Variants in NDUFAF6 observed in about 807,000 individuals in gnomAD.
NDUFAF6 encodes the protein NADH:ubiquinone oxidoreductase complex assembly factor 6.
Under a neutral mutation model 40.8 loss-of-function variants are expected in NDUFAF6, and 45 were observed. That is an observed-to-expected ratio of 1.10 (90% CI 0.87 to 1.42). The LOEUF (loss-of-function observed/expected upper bound fraction) is 1.42, where lower values mean the gene tolerates loss of function less well. Among genes scored for constraint, NDUFAF6 ranks in the 40% most tolerant of loss-of-function variants. NDUFAF6 has a pLI of 0.00. For missense variants in NDUFAF6, 435 were observed against 418.5 expected, an observed-to-expected ratio of 1.04 and a Z score of -0.34; for synonymous variants, 185 against 155.9, an observed-to-expected ratio of 1.19 and a Z score of -1.39.
chr8:94,907,994 C>T (rs1007704643), intron 1 of NDUFAF6, among the ~76,000 whole-genome samples: 1 of 152,202 alleles, frequency 6.6e-6, no homozygotes, highest in African/African-American at 2.4e-5. Flanking sequence ...GTACTACATT[C>T]ACCTCTCTAC....
rs1368639676 is a variant in NDUFAF6 at position 95,025,072 on chromosome 8, T to C, written c.64T>C (p.Cys22Arg). ...GCGGCTTGGCATCCCCGGCCTGTGCTGCCGCCGGCCGCCTCTGGGTCTGTA... is the reference window on the plus strand; with the variant it reads ...GCGGCTTGGCATCCCCGGCCTGTGCCGCCGCCGGCCGCCTCTGGGTCTGTA... ...PLRLGIPGLC[C>R]RRPPLGLYAR... The change falls in exon 1 of 9, where the codon TGC (cysteine) becomes CGC (arginine). Residue 22 changes from cysteine (C) to arginine (R), a missense_variant. Transcript: ENST00000396124. The C allele has an allele frequency of 2.1e-6, 3 of 1,443,752 alleles. No individual in the cohort carries two copies. The highest frequency in any genetic ancestry group is 1.8e-6 in the Non-Finnish European group (2 of 1,109,282). The allele number at this position is 1,443,752 out of a possible 1,614,324, so 89.4% of individuals were successfully genotyped here. A position where few individuals can be genotyped will look rare whatever the true frequency, so the allele number is the denominator to read the frequency against.
In NDUFAF6 at chr8:95,070,297, AAGTT is replaced by A. The variant is rs201056562; in HGVS notation, c.*512-5330_*512-5327del. Among the ~76,000 whole-genome samples the A allele has an allele frequency of 2.4e-4, 36 of 152,346 alleles. No individual in the cohort carries two copies. The East Asian group carries it at 6.4e-3, about 27-fold the overall frequency. ...ACTTCCTAGAATTATCATGAAGGTT[AAGTT>A]AGTTAATAATTGTAAAGTGCCGAAA... On this transcript the variant is annotated intron_variant and NMD_transcript_variant, in intron 9 of 9. Coordinates refer to the NDUFAF6 transcript ENST00000520757.
At chr8:94,970,970 G>A (rs1390667625) in intron 1 of NDUFAF6, among the ~76,000 whole-genome samples, 1 of 152,152 alleles carries the variant, frequency 6.6e-6, no homozygotes, top group Non-Finnish European at 1.5e-5. Flanking sequence ...GCATGAGCCA[G>A]CACAACTTTG....
At chr8:95,014,127 G>A (rs182957306) in intron 2 of NDUFAF6, among the ~76,000 whole-genome samples, 10 of 152,276 alleles carry the variant, frequency 6.6e-5, no homozygotes, top group African/African-American at 9.6e-5. Context: ...CAGACTTCTC[G>A]CTACCAGAAC....
intron 2 of NDUFAF6, among the ~76,000 whole-genome samples, chr8:95,086,586 C>G (rs77900171): frequency 6.9e-6 from 1 of 144,404 alleles, no homozygotes; most frequent in Non-Finnish European, 1.5e-5. Flanking sequence ...TTGTCTCTCT[C>G]TTTTTTCTTT....
intron 4 of NDUFAF6, among the ~76,000 whole-genome samples, chr8:95,043,307 T>A (rs930456812): frequency 1.3e-5 from 2 of 151,724 alleles, no homozygotes; most frequent in Admixed American, 6.6e-5. Context: ...GCCAGGATGG[T>A]CTTGATCTCC....
At chr8:95,054,319 T>G (rs1831829452) in intron 8 of NDUFAF6, among the ~76,000 whole-genome samples, 1 of 152,008 alleles carries the variant, frequency 6.6e-6, no homozygotes, top group Non-Finnish European at 1.5e-5. Flanking sequence ...CCCAAAATGT[T>G]CCTGGACTAG....
intron 9 of NDUFAF6, among the ~76,000 whole-genome samples, chr8:95,071,059 G>A (rs1049321318): frequency 1.3e-5 from 2 of 152,106 alleles, no homozygotes; most frequent in Non-Finnish European, 2.9e-5. Context: ...AAACCAGCTA[G>A]CTTTGCATGT....
At chr8:95,001,354 G>A (rs1404463023) in intron 2 of NDUFAF6, among the ~76,000 whole-genome samples, 5 of 152,016 alleles carry the variant, frequency 3.3e-5, no homozygotes, top group African/African-American at 9.7e-5. Flanking sequence ...ATCTTTTGGG[G>A]GAGTGTGACT....
intron 1 of NDUFAF6, among the ~76,000 whole-genome samples, chr8:94,915,606 G>A (rs1000710551): frequency 6.6e-6 from 1 of 152,170 alleles, no homozygotes; most frequent in Non-Finnish European, 1.5e-5. Context: ...TTGTTGGGTC[G>A]AATGGTAATT....
At chr8:94,932,060 A>G in intron 1 of NDUFAF6, 1 of 1,608,642 alleles carries the variant, frequency 6.2e-7, no homozygotes, top group Non-Finnish European at 8.5e-7. Context: ...CTCAAAGTGA[A>G]TATACTTACT....
intron 2 of NDUFAF6, among the ~76,000 whole-genome samples, chr8:94,987,659 G>C (rs1825989968): frequency 6.6e-6 from 1 of 152,168 alleles, no homozygotes; most frequent in Non-Finnish European, 1.5e-5. Flanking sequence ...GGCTGCTTAG[G>C]GGAACAGGGG....
intron 1 of NDUFAF6, among the ~76,000 whole-genome samples, chr8:94,961,079 C>A (rs1340527937): frequency 6.6e-6 from 1 of 152,080 alleles, no homozygotes; most frequent in African/African-American, 2.4e-5. Context: ...AAGAGACTAT[C>A]ATTCTTTTGG....
intron 3 of NDUFAF6, among the ~76,000 whole-genome samples, chr8:95,039,840 T>TTGAACTCC (rs775354415): frequency 6.7e-4 from 102 of 152,212 alleles, no homozygotes; most frequent in African/African-American, 2.3e-3. Context: ...CAGGCTGGTC[T>TTGAACTCC]TGAACTCCTG....
At chr8:94,924,837 G>T (rs139494727) in intron 1 of NDUFAF6, among the ~76,000 whole-genome samples, 3,111 of 152,224 alleles carry the variant, frequency 0.02, 36 homozygotes, top group African/African-American at 0.032. Flanking sequence ...CCACATCCTG[G>T]GTTCAAGCAA....
intron 2 of NDUFAF6, among the ~76,000 whole-genome samples, chr8:94,983,133 A>G (rs1318379715): frequency 6.6e-6 from 1 of 152,230 alleles, no homozygotes; most frequent in Admixed American, 6.5e-5. Context: ...TAGGCAAAAT[A>G]GAATAATAAC....
At chr8:94,976,834 A>G (rs921337182) in intron 1 of NDUFAF6, among the ~76,000 whole-genome samples, 3 of 152,276 alleles carry the variant, frequency 2.0e-5, no homozygotes, top group Admixed American at 6.5e-5. Flanking sequence ...AATGTACTTA[A>G]TATTACTGAA....
intron 9 of NDUFAF6, chr8:95,072,746 A>C (rs1284612701): frequency 1.3e-5 from 2 of 153,220 alleles, no homozygotes; most frequent in Admixed American, 1.3e-4. Flanking sequence ...TGGTGGTGCA[A>C]GCCACTGCTT....
chr8:94,992,950 C>T (rs1383410251), intron 2 of NDUFAF6, among the ~76,000 whole-genome samples: 1 of 152,164 alleles, frequency 6.6e-6, no homozygotes, highest in African/African-American at 2.4e-5. Flanking sequence ...TGAGACAATT[C>T]CTCCTGCCTC....
Sources: allele counts gnomAD v4.1 joint callset (sites outside exome capture counted in the v4.1 genomes callset), GRCh38; gene constraint gnomAD v4.1.1; transcripts MANE v1.5; gene names NCBI Gene and HGNC (gene_info 2026-07-23, HGNC 2026-07-21).